Variants in MAX observed in about 807,000 individuals in gnomAD.
The protein encoded by MAX is MYC associated transcriptional regulator X.
Under a neutral mutation model 22.3 loss-of-function variants are expected in MAX, and 3 were observed. The ratio of observed to expected loss-of-function variants is 0.13; its 90% CI spans 0.06 to 0.35. MAX has a LOEUF of 0.35. Ranked by LOEUF, MAX falls within the 10% of genes least tolerant of loss-of-function variation. The pLI is 1.00. For missense variants in MAX, 119 were observed against 209.4 expected (o/e 0.57, Z 2.66); for synonymous variants, 72 against 77.7 (o/e 0.93, Z 0.39).
rs1157319054 is a variant in MAX, at chr14:65,007,922, T to C, written c.172-1638A>G. 6.6e-6 allele frequency among the ~76,000 whole-genome samples: 1 copy of C among 152,042 alleles called. No homozygotes were observed. The highest frequency in any genetic ancestry group is 1.5e-5 in the Non-Finnish European group (1 of 68,008). On this transcript the variant is annotated intron_variant, in intron 3 of 3. Coordinates refer to the MAX transcript ENST00000341653. The surrounding 1 kb of genome is among the most constrained non-coding windows in gnomAD (Gnocchi z 4.9). Reference sequence around the variant, plus strand: ...CCCTGTGCTAATAGAGCCCTGGAGGTTAAGTGCTGACAATGGCTCTGAAGC... The same window carrying C: ...CCCTGTGCTAATAGAGCCCTGGAGGCTAAGTGCTGACAATGGCTCTGAAGC...
chr14:65,099,595 T>C (rs2063772175), intron 2 of MAX, among the ~76,000 whole-genome samples: 1 of 151,338 alleles, frequency 6.6e-6, no homozygotes, highest in African/African-American at 2.4e-5. Flanking sequence ...GGGAAGTCAG[T>C]ATAATTTCAA....
intron 3 of MAX, among the ~76,000 whole-genome samples, chr14:65,041,816 G>C (rs1200380705): frequency 6.6e-6 from 1 of 152,160 alleles, no homozygotes; most frequent in Non-Finnish European, 1.5e-5. Flanking sequence ...GAGTTTCTCA[G>C]ATGTTTTAAA....
At position 65,060,697 on chromosome 14, in the gene MAX, CAA is replaced by C. The variant is rs59036615; in HGVS notation, c.171+33009_171+33010del. ...GGCGACAGAGCGAGAGACTCCGTCT[CAA>C]AAAAAAAAAAAAAAAATACAAAAAT... On this transcript the variant is annotated intron_variant, in intron 3 of 3. Coordinates refer to the MAX transcript ENST00000341653. Among the ~76,000 whole-genome samples the C allele has an allele frequency of 2.3e-4, 11 of 48,592 alleles. 1 individual carries two copies. The highest frequency in any genetic ancestry group is 1.0e-3 in the East Asian group (2 of 1,944). 31.9% of individuals were successfully genotyped at this position (48,592 alleles called of 152,430 possible). A position where few individuals can be genotyped will look rare whatever the true frequency, so the allele number is the denominator to read the frequency against.
At chr14:65,089,879 C>T (rs957121297) in intron 3 of MAX, 1 of 144,372 alleles carries the variant, frequency 6.9e-6, no homozygotes, top group Non-Finnish European at 1.5e-5. Flanking sequence ...TAATTCCATC[C>T]TATTGTTCCC....
At chr14:65,092,786 C>T (rs915129275) in intron 3 of MAX, among the ~76,000 whole-genome samples, 1 of 152,150 alleles carries the variant, frequency 6.6e-6, no homozygotes, top group Non-Finnish European at 1.5e-5. Flanking sequence ...TCTTGGATAA[C>T]CAAACAAATC....
chr14:65,024,240 G>A (rs1445871273), intron 3 of MAX, among the ~76,000 whole-genome samples: 3 of 152,186 alleles, frequency 2.0e-5, no homozygotes, highest in East Asian at 3.9e-4. Context: ...TTGGAATCAC[G>A]TGGGGAGTTT....
chr14:65,025,557 G>A (rs2061963831), intron 3 of MAX, among the ~76,000 whole-genome samples: 1 of 152,220 alleles, frequency 6.6e-6, no homozygotes, highest in South Asian at 2.1e-4. Flanking sequence ...GCTCACACCT[G>A]TGACCTCAGC....
At chr14:65,013,477 C>A (rs377712132) in intron 3 of MAX, among the ~76,000 whole-genome samples, 1 of 152,154 alleles carries the variant, frequency 6.6e-6, no homozygotes, top group African/African-American at 2.4e-5. Flanking sequence ...GACTCAAGTC[C>A]TCAATAGTTA....
At chr14:65,060,551 C>T (rs1269969245) in intron 3 of MAX, among the ~76,000 whole-genome samples, 2 of 127,662 alleles carry the variant, frequency 1.6e-5, no homozygotes, top group Non-Finnish European at 3.0e-5. Context: ...AAAAAATTAG[C>T]CGGGCGTAGT....
intron 2 of MAX, among the ~76,000 whole-genome samples, chr14:65,097,355 T>G (rs2063701453): frequency 1.3e-5 from 2 of 152,246 alleles, no homozygotes. Flanking sequence ...GCAGAGAGAC[T>G]GCATCTTTGT....
At chr14:65,081,358 G>A (rs1233420202) in intron 3 of MAX, among the ~76,000 whole-genome samples, 1 of 152,168 alleles carries the variant, frequency 6.6e-6, no homozygotes, top group Non-Finnish European at 1.5e-5. Flanking sequence ...AAAAGCAAAA[G>A]GCTGAAGCTA....
intron 3 of MAX, among the ~76,000 whole-genome samples, chr14:65,037,583 A>G (rs1466151748): frequency 2.7e-5 from 4 of 147,870 alleles, no homozygotes; most frequent in Admixed American, 2.0e-4. Flanking sequence ...GGCATCCACC[A>G]TCCGCTAATT....
chr14:65,096,077 A>T (rs183064023), intron 2 of MAX, among the ~76,000 whole-genome samples: 40 of 152,360 alleles, frequency 2.6e-4, no homozygotes, highest in African/African-American at 9.4e-4. Context: ...TTGGCTTCTC[A>T]TCTGGGGAGC....
At chr14:65,056,943 G>T (rs889040582) in intron 3 of MAX, among the ~76,000 whole-genome samples, 3 of 152,176 alleles carry the variant, frequency 2.0e-5, no homozygotes, top group African/African-American at 7.2e-5. Context: ...ATTATAACAT[G>T]TGGAAATCAA....
At position 65,027,359 on chromosome 14, in the gene MAX, G is replaced by A. The variant is rs1325934043; in HGVS notation, c.172-21075C>T. ...TTCCCCTCAACTTTTGAGGGAGTGG[G>A]GGATCATTGGAAAGGCCTGGAATCT... On this transcript the variant is annotated intron_variant, in intron 3 of 3. Coordinates refer to the MAX transcript ENST00000341653. This position sits in a 1 kb window ranked among gnomAD's most constrained non-coding sequence, Gnocchi z 5.7. The A allele has an allele frequency of 6.4e-7, 1 of 1,559,610 alleles. No homozygotes were observed. The highest frequency in any genetic ancestry group is 1.4e-5 in the African/African-American group (1 of 73,748).
rs143096842 is a variant in MAX, at chr14:65,049,667, C to A, written c.172-43383G>T. ...TTTTCTTTTCAGACTCTAATTTTAG[C>A]CACAGGTTATCATTTACCTTATAAT... On this transcript the variant is annotated intron_variant, in intron 3 of 3. Transcript: ENST00000341653. Among the ~76,000 whole-genome samples, 235 of 152,162 alleles carry A rather than the reference C, an allele frequency of 1.5e-3. 1 individual carries two copies. The highest frequency in any genetic ancestry group is 3.7e-3 in the African/African-American group (155 of 41,518).
In MAX at chr14:65,065,878, G is replaced by T. The variant is rs117514133; in HGVS notation, c.171+27830C>A. ...ACCTTGTAAGGTGGGTGAAGCAGGC[G>T]TATTACCTGCCTTTTACAACTGGAG... On this transcript the variant is annotated intron_variant, in intron 3 of 3. Coordinates refer to the MAX transcript ENST00000341653. Among the ~76,000 whole-genome samples the T allele has an allele frequency of 2.3e-3, 353 of 152,216 alleles. 3 individuals carry two copies. Among genetic ancestry groups the T allele is most frequent in the Admixed American group, 0.015 (222 of 15,288 alleles).
chr14:65,026,011 G>A (rs1331187688), intron 3 of MAX, among the ~76,000 whole-genome samples: 2 of 152,196 alleles, frequency 1.3e-5, no homozygotes, highest in East Asian at 3.8e-4. Flanking sequence ...CTCTGAAATC[G>A]AAAGCAATTA....
chr14:65,013,824 A>G (rs1400621803), intron 3 of MAX, among the ~76,000 whole-genome samples: 1 of 152,252 alleles, frequency 6.6e-6, no homozygotes, highest in Non-Finnish European at 1.5e-5. Context: ...CTGGGGTTAC[A>G]GGCGTGAGCT....
Sources: gnomAD v4.1 joint callset for allele counts (sites outside exome capture counted in the v4.1 genomes callset) on GRCh38, gnomAD v4.1.1 for gene constraint, Gnocchi (gnomAD v3.1) non-coding constraint, MANE v1.5 for transcripts, NCBI Gene and HGNC (gene_info 2026-07-23, HGNC 2026-07-21) for gene names.